The following ANK3 variants were observed in gnomAD, a reference collection of about 807,000 sequenced individuals.
ANK3 encodes ankyrin 3.
Under a neutral mutation model 370.9 loss-of-function variants are expected in ANK3, and 57 were observed. The ratio of observed to expected loss-of-function variants is 0.15; its 90% CI spans 0.12 to 0.19. ANK3 has a LOEUF of 0.19. Among genes scored for constraint, ANK3 ranks in the 10% least tolerant of loss-of-function variants. The pLI is 1.00. For missense variants in ANK3, 4,439 were observed against 5,302.1 expected (o/e 0.84, Z 5.06); for synonymous variants, 1,929 against 1,946.3 (o/e 0.99, Z 0.23).
At chr10:60,692,547 GT>G (rs2079371248) in intron 1 of ANK3, among the ~76,000 whole-genome samples, 2 of 152,144 alleles carry the variant, frequency 1.3e-5, no homozygotes, top group South Asian at 2.1e-4. Flanking sequence ...CATAATTCCT[GT>G]CTGCCCAATT....
intron 2 of ANK3, among the ~76,000 whole-genome samples, chr10:60,468,151 A>G (rs2065052145): frequency 6.6e-6 from 1 of 151,780 alleles, no homozygotes; most frequent in African/African-American, 2.4e-5. Context: ...CGCCCAGCTA[A>G]TTTTGTATTT....
intron 2 of ANK3, among the ~76,000 whole-genome samples, chr10:60,560,704 CA>C (rs778721123): frequency 6.6e-6 from 1 of 152,056 alleles, no homozygotes; most frequent in Non-Finnish European, 1.5e-5. Flanking sequence ...GGAGGAAATC[CA>C]TTAAATTTCT....
intron 1 of ANK3, among the ~76,000 whole-genome samples, chr10:60,698,351 T>C (rs1216231186): frequency 2.0e-5 from 3 of 151,582 alleles, no homozygotes; most frequent in Non-Finnish European, 2.9e-5. Flanking sequence ...TGGTGATTCC[T>C]CAGGGATCTA....
chr10:60,499,487 A>G (rs1231946276), intron 2 of ANK3, among the ~76,000 whole-genome samples: 5 of 152,228 alleles, frequency 3.3e-5, no homozygotes, highest in African/African-American at 1.2e-4. Context: ...ATGCAATATC[A>G]CAATCAAGGG....
At chr10:60,395,154 T>C (rs1330692524) in intron 2 of ANK3, among the ~76,000 whole-genome samples, 1 of 152,216 alleles carries the variant, frequency 6.6e-6, no homozygotes, top group Non-Finnish European at 1.5e-5. Context: ...TTAAATTTTA[T>C]GATATAACAT....
chr10:60,572,348 G>T (rs527633008), intron 2 of ANK3: 37 of 1,049,346 alleles, frequency 3.5e-5, no homozygotes, highest in Non-Finnish European at 4.7e-5. Flanking sequence ...AAAGCATTCA[G>T]ATTCTAGCAG....
chr10:60,031,957 A>C (rs918450909), intron 43 of ANK3, among the ~76,000 whole-genome samples: 16 of 152,090 alleles, frequency 1.1e-4, no homozygotes, highest in South Asian at 4.2e-4. Context: ...AAGGAAAGTG[A>C]CTCACTTGGG....
At chr10:60,474,385 T>G (rs2075003001) in intron 2 of ANK3, among the ~76,000 whole-genome samples, 2 of 152,136 alleles carry the variant, frequency 1.3e-5, no homozygotes, top group South Asian at 4.1e-4. Flanking sequence ...CAACATTCTT[T>G]AGATCACTGA....
At chr10:60,097,442 C>T (rs775602110) in intron 28 of ANK3, among the ~76,000 whole-genome samples, 2 of 152,198 alleles carry the variant, frequency 1.3e-5, no homozygotes, top group African/African-American at 4.8e-5. Context: ...GTTCTATAGC[C>T]TTCTTGCCTC....
At chr10:60,151,302 G>A (rs146157305) in intron 23 of ANK3, among the ~76,000 whole-genome samples, 63 of 152,300 alleles carry the variant, frequency 4.1e-4, no homozygotes, top group Non-Finnish European at 8.7e-4. Context: ...GGAGGTGTTT[G>A]GGTCATGGAG....
intron 2 of ANK3, among the ~76,000 whole-genome samples, chr10:60,402,930 G>A (rs1308485043): frequency 6.6e-6 from 1 of 152,178 alleles, no homozygotes; most frequent in African/African-American, 2.4e-5. Context: ...CACTAAGTTT[G>A]GGGTGGTTTG....
At chr10:60,674,244 A>G (rs2079097412) in intron 1 of ANK3, among the ~76,000 whole-genome samples, 1 of 152,156 alleles carries the variant, frequency 6.6e-6, no homozygotes, top group African/African-American at 2.4e-5. Context: ...GTATTAGTCT[A>G]TTTTCATTGC....
At chr10:60,637,612 A>C (rs10821809) in intron 1 of ANK3, among the ~76,000 whole-genome samples, 1 of 151,970 alleles carries the variant, frequency 6.6e-6, no homozygotes, top group Non-Finnish European at 1.5e-5. Context: ...CTTCTCTGAC[A>C]TAGTGAAAAA....
intron 1 of ANK3, among the ~76,000 whole-genome samples, chr10:60,726,691 G>C (rs1371695493): frequency 1.3e-5 from 2 of 151,998 alleles, no homozygotes; most frequent in Non-Finnish European, 2.9e-5. Context: ...ATTTGAGAGT[G>C]ATAGAAATTT....
chr10:60,241,556 A>G (rs1307015728), intron 7 of ANK3, among the ~76,000 whole-genome samples: 2 of 152,156 alleles, frequency 1.3e-5, no homozygotes, highest in Non-Finnish European at 2.9e-5. Flanking sequence ...TGCTTGGCCA[A>G]GACCCCAGGT....
At chr10:60,470,201 A>T (rs143033977) in intron 2 of ANK3, among the ~76,000 whole-genome samples, 1 of 152,258 alleles carries the variant, frequency 6.6e-6, no homozygotes, top group East Asian at 1.9e-4. Flanking sequence ...AACTTACAAT[A>T]TCACAGGGGA....
At chr10:60,572,844 CTT>C in intron 2 of ANK3, 1 of 1,090,502 alleles carries the variant, frequency 9.2e-7, no homozygotes, top group South Asian at 3.6e-5. Flanking sequence ...CCTGACAAGA[CTT>C]TGTTGCTTGT....
chr10:60,118,847 T>C (rs367754260), intron 25 of ANK3, among the ~76,000 whole-genome samples: 5 of 152,240 alleles, frequency 3.3e-5, no homozygotes, highest in African/African-American at 9.6e-5. Context: ...CCATTAATTA[T>C]TGAAACAATG....
intron 28 of ANK3, among the ~76,000 whole-genome samples, chr10:60,094,709 T>A (rs1039585792): frequency 2.0e-5 from 3 of 151,570 alleles, no homozygotes; most frequent in South Asian, 4.2e-4. Flanking sequence ...AAAAAAAAAA[T>A]AAATGACATA....
Sources: gnomAD v4.1 joint callset for allele counts (sites outside exome capture counted in the v4.1 genomes callset) on GRCh38, gnomAD v4.1.1 for gene constraint, MANE v1.5 for transcripts, NCBI Gene and HGNC (gene_info 2026-07-23, HGNC 2026-07-21) for gene names.